Variants in ANO1 observed in about 807,000 individuals in gnomAD.
The protein encoded by ANO1 is anoctamin 1.
A neutral mutation model predicts 124.0 loss-of-function variants in ANO1; 59 were observed. The ratio of observed to expected loss-of-function variants is 0.48; its 90% CI spans 0.39 to 0.59. ANO1 has a LOEUF of 0.59. ANO1 is among the 20% of genes least tolerant of loss of function. The pLI, the probability that ANO1 is intolerant of heterozygous loss-of-function variation, is 0.00. For missense variants in ANO1, 1,059 were observed against 1,328.0 expected, an observed-to-expected ratio of 0.80 and a Z score of 3.15; for synonymous variants, 529 against 532.0, an observed-to-expected ratio of 0.99 and a Z score of 0.08.
chr11:70,090,934 T>C (rs981043989), intron 2 of ANO1, among the ~76,000 whole-genome samples: 3 of 152,164 alleles, frequency 2.0e-5, no homozygotes, highest in Non-Finnish European at 2.9e-5. Context: ...TGCTGGAGCC[T>C]CTCAAATCAT....
chr11:70,049,042 A>G (rs1555005996), intron 1 of ANO1, among the ~76,000 whole-genome samples: 1 of 152,150 alleles, frequency 6.6e-6, no homozygotes, highest in Non-Finnish European at 1.5e-5. Flanking sequence ...TTTCACAGCA[A>G]TTGCCAATGA....
At chr11:69,997,620 ACG>A in intron 1 of ANO1, among the ~76,000 whole-genome samples, 1 of 152,222 alleles carries the variant, frequency 6.6e-6, no homozygotes, top group Non-Finnish European at 1.5e-5. Context: ...CCCAAATCTC[ACG>A]TTGAAATGTA....
intron 1 of ANO1, chr11:70,064,255 C>T (rs1333878512): frequency 6.6e-6 from 1 of 152,282 alleles, no homozygotes; most frequent in South Asian, 2.1e-4. Context: ...CCGGGAAGAG[C>T]CCCAGGTCTC....
At chr11:69,968,913 G>A in the ANO1 span, among the ~76,000 whole-genome samples, 1 of 152,314 alleles carries the variant, frequency 6.6e-6, no homozygotes, top group Middle Eastern at 3.4e-3. Context: ...GCCCTGGCAG[G>A]ACCCTTTGTT....
the ANO1 span, among the ~76,000 whole-genome samples, chr11:69,970,238 C>G: frequency 3.9e-5 from 6 of 152,168 alleles, no homozygotes; most frequent in East Asian, 1.9e-4. Flanking sequence ...ATCAGAAGCC[C>G]GAGCAGAACC....
At chr11:69,993,568 G>C (rs782652058) in intron 1 of ANO1, among the ~76,000 whole-genome samples, 1 of 152,110 alleles carries the variant, frequency 6.6e-6, no homozygotes, top group Non-Finnish European at 1.5e-5. Flanking sequence ...GTCCCAGCTC[G>C]GTCTTCAGAT....
intron 16 of ANO1, among the ~76,000 whole-genome samples, chr11:70,159,843 C>T (rs1217215230): frequency 3.3e-5 from 5 of 152,196 alleles, no homozygotes. Flanking sequence ...CCTTGTTCCC[C>T]GGAGCTGGCC....
intron 11 of ANO1, among the ~76,000 whole-genome samples, chr11:70,132,321 G>A (rs772216524): frequency 2.6e-5 from 4 of 152,140 alleles, no homozygotes; most frequent in Non-Finnish European, 5.9e-5. Flanking sequence ...AGCCTAGGAG[G>A]GACGTTTTGC....
intron 13 of ANO1, 96 bp downstream of exon 13, chr11:70,152,557 C>G: frequency 2.8e-6 from 4 of 1,417,172 alleles, no homozygotes; most frequent in Non-Finnish European, 3.9e-6. Flanking sequence ...CCACGCAGTT[C>G]CCGCAGTTCC....
chr11:70,128,964 A>G (rs563755096), intron 10 of ANO1, among the ~76,000 whole-genome samples: 76 of 152,322 alleles, frequency 5.0e-4, no homozygotes, highest in African/African-American at 1.8e-3. Flanking sequence ...ACTCCAGGCC[A>G]TCCTCAGTCC....
chr11:70,025,138 G>C (rs1367933004), intron 1 of ANO1, among the ~76,000 whole-genome samples: 1 of 152,200 alleles, frequency 6.6e-6, no homozygotes, highest in African/African-American at 2.4e-5. Context: ...CCTCAGATCT[G>C]AATTCCATGC....
intron 14 of ANO1, among the ~76,000 whole-genome samples, chr11:70,154,570 C>G (rs2047733301): frequency 6.6e-6 from 1 of 151,166 alleles, no homozygotes; most frequent in South Asian, 2.1e-4. Context: ...AGGTTCACGC[C>G]ATTCTCCTGC....
intron 1 of ANO1, among the ~76,000 whole-genome samples, chr11:70,014,492 C>T (rs374312814): frequency 6.6e-6 from 1 of 152,138 alleles, no homozygotes; most frequent in African/African-American, 2.4e-5. Flanking sequence ...GTTCACTCAC[C>T]GTCACTGCCG....
intron 7 of ANO1, among the ~76,000 whole-genome samples, chr11:70,115,919 G>C (rs2509187): frequency 0.7 from 105,848 of 151,942 alleles, 37,150 homozygotes; most frequent in Admixed American, 0.76. Flanking sequence ...CCGAACTTAG[G>C]TGTGTGTCCT....
At chr11:69,976,932 C>G in the ANO1 span, among the ~76,000 whole-genome samples, 1 of 152,144 alleles carries the variant, frequency 6.6e-6, no homozygotes, top group Non-Finnish European at 1.5e-5. Flanking sequence ...ATGTTCATCC[C>G]CCCGGGAGAT....
chr11:69,971,473 A>G, the ANO1 span, among the ~76,000 whole-genome samples: 1 of 152,204 alleles, frequency 6.6e-6, no homozygotes, highest in Non-Finnish European at 1.5e-5. Flanking sequence ...TATAGAGGCC[A>G]CTTGCTTTTG....
intron 1 of ANO1, among the ~76,000 whole-genome samples, chr11:70,028,898 C>A (rs1412904554): frequency 1.3e-5 from 2 of 152,206 alleles, no homozygotes; most frequent in Non-Finnish European, 1.5e-5. Flanking sequence ...TCTCCTGCCT[C>A]AGCCCTCCAA....
chr11:70,172,945 G>A (rs1339760258), intron 22 of ANO1, among the ~76,000 whole-genome samples: 1 of 152,028 alleles, frequency 6.6e-6, no homozygotes, highest in Non-Finnish European at 1.5e-5. Flanking sequence ...ATTCTCGTTG[G>A]AAACACCCTT....
chr11:70,019,601 G>A (rs1856765346), intron 1 of ANO1, among the ~76,000 whole-genome samples: 1 of 152,064 alleles, frequency 6.6e-6, no homozygotes, highest in African/African-American at 2.4e-5. Flanking sequence ...ACATCACCCT[G>A]GGAGCTTAAA....
Sources: allele counts gnomAD v4.1 joint callset (sites outside exome capture counted in the v4.1 genomes callset), GRCh38; gene constraint gnomAD v4.1.1; transcripts MANE v1.5; gene names NCBI Gene and HGNC (gene_info 2026-07-23, HGNC 2026-07-21).